The following NAA11 variants were observed in gnomAD, a reference collection of about 807,000 sequenced individuals.
The protein encoded by NAA11 is N-alpha-acetyltransferase 11.
Under a neutral mutation model 16.1 loss-of-function variants are expected in NAA11, and 15 were observed. The ratio of observed to expected loss-of-function variants is 0.93; its 90% CI spans 0.62 to 1.44. The LOEUF is 1.44. Ranked by LOEUF, NAA11 falls within the 40% of genes most tolerant of loss-of-function variation. The pLI, the probability that NAA11 is intolerant of heterozygous loss-of-function variation, is 0.00. For missense variants in NAA11, 298 were observed against 291.3 expected (o/e 1.02, Z -0.17); for synonymous variants, 122 against 112.4 (o/e 1.09, Z -0.54).
At chr4:79,254,314 C>T (rs961181867) in intron 2 of NAA11, among the ~76,000 whole-genome samples, 3 of 152,180 alleles carry the variant, frequency 2.0e-5, no homozygotes, top group African/African-American at 7.2e-5. Context: ...CAATGGTTTC[C>T]TCACTTCCTG....
chr4:79,168,896 C>T, the NAA11 span, among the ~76,000 whole-genome samples: 1 of 152,094 alleles, frequency 6.6e-6, no homozygotes, highest in Admixed American at 6.6e-5. Flanking sequence ...TGATAAGCAA[C>T]TTTAGTAAGG....
At chr4:79,267,265 GA>G (rs1166831570) in intron 2 of NAA11, among the ~76,000 whole-genome samples, 1 of 152,172 alleles carries the variant, frequency 6.6e-6, no homozygotes, top group Non-Finnish European at 1.5e-5. Flanking sequence ...ATAGAATGAA[GA>G]AAATGGATTT....
At chr4:79,248,789 C>T (rs1721913964) in intron 2 of NAA11, among the ~76,000 whole-genome samples, 1 of 152,248 alleles carries the variant, frequency 6.6e-6, no homozygotes, top group African/African-American at 2.4e-5. Flanking sequence ...GCTGCCACCA[C>T]TGCTGCTGTG....
chr4:79,265,271 G>A (rs1722318928), intron 2 of NAA11, among the ~76,000 whole-genome samples: 1 of 151,984 alleles, frequency 6.6e-6, no homozygotes, highest in African/African-American at 2.4e-5. Flanking sequence ...TTCTCTAATG[G>A]ACTTCTCTAA....
At chr4:79,190,607 A>G in the NAA11 span, among the ~76,000 whole-genome samples, 32 of 152,182 alleles carry the variant, frequency 2.1e-4, 1 homozygote, top group Admixed American at 3.9e-4. Flanking sequence ...CGTTAAAGAT[A>G]AATGAAAGAC....
At chr4:79,230,176 A>G (rs1244003250) in intron 2 of NAA11, among the ~76,000 whole-genome samples, 1 of 151,936 alleles carries the variant, frequency 6.6e-6, no homozygotes, top group Non-Finnish European at 1.5e-5. Context: ...TCGCAAGAAC[A>G]AAAAACCAAA....
intron 1 of NAA11, among the ~76,000 whole-genome samples, chr4:79,305,479 C>T (rs1158885228): frequency 1.3e-5 from 2 of 152,170 alleles, no homozygotes; most frequent in Non-Finnish European, 2.9e-5. Flanking sequence ...TTCAATTTCT[C>T]TAGAAAAGCC....
chr4:79,297,081 A>G (rs1723241479), intron 1 of NAA11, among the ~76,000 whole-genome samples: 1 of 152,096 alleles, frequency 6.6e-6, no homozygotes, highest in South Asian at 2.1e-4. Flanking sequence ...GCCAGGCAGG[A>G]CCTGCTCCCA....
intron 2 of NAA11, among the ~76,000 whole-genome samples, chr4:79,276,630 G>GT (rs1359219507): frequency 6.6e-6 from 1 of 152,142 alleles, no homozygotes. Context: ...TGGTATTGTG[G>GT]TGGACCTTTA....
intron 1 of NAA11, among the ~76,000 whole-genome samples, chr4:79,300,236 G>A (rs1723345799): frequency 6.6e-6 from 1 of 152,220 alleles, no homozygotes; most frequent in South Asian, 2.1e-4. Flanking sequence ...TGGGAAGAAA[G>A]AATGGCAACA....
chr4:79,157,080 TCAC>T, the NAA11 span, among the ~76,000 whole-genome samples: 2 of 152,192 alleles, frequency 1.3e-5, no homozygotes, highest in Admixed American at 1.3e-4. Context: ...ACCATAAACA[TCAC>T]CATTTTATTG....
At position 79,325,168 on chromosome 4, in the gene NAA11, C is replaced by G. The variant is rs778512221; in HGVS notation, c.*12+8G>C. 6.3e-7 allele frequency: 1 copy of G among 1,579,176 alleles called. No homozygotes were observed. The highest frequency in any genetic ancestry group is 1.2e-5 in the South Asian group (1 of 86,294). ...GAAGGGGGTACTGGGTCAGGGAAGACAGAATACCTTAAGCATGCTCTAGGA... is the reference window on the plus strand; with the variant it reads ...GAAGGGGGTACTGGGTCAGGGAAGAGAGAATACCTTAAGCATGCTCTAGGA... On this transcript the variant is annotated splice_region_variant and intron_variant, in intron 1 of 1. Transcript: ENST00000286794.
chr4:79,296,483 T>C lies in NAA11; in HGVS notation c.*13-2369A>G, dbSNP rs142181462. On this transcript the variant is annotated intron_variant and NMD_transcript_variant, in intron 1 of 2. Coordinates refer to the NAA11 transcript ENST00000511542. ...ACAGAGCGCTTATTAAGCTTTAGAA[T>C]GTACCTCCCTTTATTTCTTTTCTTA... Among the ~76,000 whole-genome samples the C allele has an allele frequency of 1.8e-3, 269 of 152,358 alleles. 1 individual carries two copies. Among genetic ancestry groups the C allele is most frequent in the Non-Finnish European group, 2.0e-3 (136 of 68,026 alleles).
At chr4:79,250,673 C>G (rs1159040538) in intron 2 of NAA11, among the ~76,000 whole-genome samples, 1 of 152,106 alleles carries the variant, frequency 6.6e-6, no homozygotes. Flanking sequence ...GCCAAAGAAA[C>G]TATCAACAAA....
At chr4:79,222,534 A>G (rs1339236832), downstream of NAA11, among the ~76,000 whole-genome samples, 1 of 150,684 alleles carries the variant, frequency 6.6e-6, no homozygotes, top group South Asian at 2.1e-4. Context: ...CTAAAACCAT[A>G]AAAACCCTAG....
At chr4:79,165,399 A>T in the NAA11 span, among the ~76,000 whole-genome samples, 8 of 152,286 alleles carry the variant, frequency 5.3e-5, no homozygotes, top group African/African-American at 1.9e-4. Flanking sequence ...TCCCCAAATG[A>T]AGAAGCTGGA....
chr4:79,232,617 T>C (rs1427227009), intron 2 of NAA11, among the ~76,000 whole-genome samples: 2 of 152,134 alleles, frequency 1.3e-5, no homozygotes, highest in South Asian at 2.1e-4. Flanking sequence ...TACTATGTTG[T>C]GAGCCAAATG....
At chr4:79,294,470 C>T (rs1723164284) in intron 1 of NAA11, among the ~76,000 whole-genome samples, 2 of 152,198 alleles carry the variant, frequency 1.3e-5, no homozygotes, top group Non-Finnish European at 2.9e-5. Flanking sequence ...AGACAATGCA[C>T]ATCCGAATCA....
intron 1 of NAA11, among the ~76,000 whole-genome samples, chr4:79,309,252 T>C (rs1032110294): frequency 1.3e-5 from 2 of 152,216 alleles, no homozygotes; most frequent in Non-Finnish European, 2.9e-5. Flanking sequence ...TCATTTATTT[T>C]TTTAACAGAC....
Sources: gnomAD v4.1 joint callset for allele counts (sites outside exome capture counted in the v4.1 genomes callset) on GRCh38, gnomAD v4.1.1 for gene constraint, MANE v1.5 for transcripts, NCBI Gene and HGNC (gene_info 2026-07-23, HGNC 2026-07-21) for gene names.